Variants in MACC1 observed in about 807,000 individuals in gnomAD.
MACC1 encodes metastasis-associated in colon cancer protein 1.
Under a neutral mutation model 70.7 loss-of-function variants are expected in MACC1, and 79 were observed. That is an observed-to-expected ratio of 1.12 (90% CI 0.93 to 1.35). The LOEUF is 1.35. Among genes scored for constraint, MACC1 ranks in the 40% most tolerant of loss-of-function variants. The probability of loss-of-function intolerance (pLI) is 0.00; values close to 1 mark genes in which losing one functional copy is unlikely to be tolerated. For synonymous variants in MACC1, 361 were observed against 347.2 expected (o/e 1.04, Z -0.44); for missense variants, 1,106 against 978.1 (o/e 1.13, Z -1.74).
intron 1 of MACC1, among the ~76,000 whole-genome samples, chr7:20,187,047 A>G (rs1782599846): frequency 2.0e-5 from 3 of 152,190 alleles, no homozygotes; most frequent in African/African-American, 7.2e-5. Context: ...TCAACTCACA[A>G]TTTTTTGAAT....
chr7:20,157,060 C>G (rs560748942), intron 5 of MACC1, among the ~76,000 whole-genome samples: 17 of 152,164 alleles, frequency 1.1e-4, no homozygotes, highest in African/African-American at 3.6e-4. Flanking sequence ...TATTCAAATC[C>G]CATCTATAAG....
intron 1 of MACC1, among the ~76,000 whole-genome samples, chr7:20,204,316 G>A (rs908525136): frequency 2.0e-5 from 3 of 151,910 alleles, no homozygotes; most frequent in South Asian, 4.1e-4. Flanking sequence ...CACCACGCCC[G>A]GCTAATTTTT....
chr7:20,215,247 C>G (rs1278221757), intron 1 of MACC1, among the ~76,000 whole-genome samples: 1 of 152,152 alleles, frequency 6.6e-6, no homozygotes, highest in East Asian at 1.9e-4. Flanking sequence ...AGCACTTACT[C>G]TCTTTAACTA....
intron 5 of MACC1, among the ~76,000 whole-genome samples, chr7:20,155,349 C>A (rs761561809): frequency 3.9e-5 from 6 of 152,226 alleles, no homozygotes; most frequent in Admixed American, 6.5e-5. Context: ...TACATACACA[C>A]CTATGGAAAA....
chr7:20,157,510 G>A (rs536009044), intron 5 of MACC1, among the ~76,000 whole-genome samples: 110 of 151,766 alleles, frequency 7.2e-4, no homozygotes, highest in African/African-American at 2.5e-3. Flanking sequence ...ACAGCCAGGT[G>A]TGGTGGCTCA....
chr7:20,197,890 A>G (rs192598232), intron 1 of MACC1, among the ~76,000 whole-genome samples: 33 of 152,278 alleles, frequency 2.2e-4, no homozygotes, highest in Middle Eastern at 3.4e-3. Flanking sequence ...TTATTTTTAT[A>G]TTATACAGGC....
At position 20,158,353 on chromosome 7, in the gene MACC1, C is replaced by A; in HGVS notation, c.2008G>T (p.Val670Phe). Residue 670 changes from valine (V) to phenylalanine (F), a missense_variant, in exon 5 of 7, where the codon GTC becomes TTC. Val to Phe is a conservative substitution (Grantham distance 50). Transcript: ENST00000400331. ...AGGGACAGATGTGAGTAACCCAGGACATCAGCTAAAACTTTCCAATCATAA... is the reference window on the plus strand; with the variant it reads ...AGGGACAGATGTGAGTAACCCAGGAAATCAGCTAAAACTTTCCAATCATAA... ...KVYDWKVLADVLGYSHLSLED... is the reference protein window; with the variant it reads ...KVYDWKVLADFLGYSHLSLED... 9 of 1,613,870 alleles carry A rather than the reference C, an allele frequency of 5.6e-6. No homozygotes were observed. The highest frequency in any genetic ancestry group is 7.6e-6 in the Non-Finnish European group (9 of 1,179,978).
rs572554341 is a variant in MACC1 at position 20,138,614 on chromosome 7, T to C, written c.*2332A>G. 5.9e-5 allele frequency: 9 copies of C among 152,260 alleles called. No homozygotes were observed. Among genetic ancestry groups the C allele is most frequent in the Admixed American group, 3.3e-4 (5 of 15,302 alleles). The allele number at this position is 152,260 out of a possible 1,614,324, so 9.4% of individuals were successfully genotyped here. ...AATAAATTCTGTCCTTGAATGTGTA[T>C]ACATAATTATTTGGTCAGGCTGTGT... On this transcript the variant is annotated 3_prime_UTR_variant, in exon 7 of 7. Transcript: ENST00000400331.
Position 20,141,083 on chromosome 7 carries a change from G to C in MACC1, c.2422C>G (p.Gln808Glu). The C allele has an allele frequency of 1.2e-6, 2 of 1,613,656 alleles. No individual in the cohort carries two copies. Among genetic ancestry groups the C allele is most frequent in the South Asian group, 2.2e-5 (2 of 91,056 alleles). Residue 808 changes from glutamine to glutamate, a missense_variant, in exon 7 of 7, where the codon CAA (glutamine) becomes GAA (glutamate). Transcript: ENST00000400331. ...HYGNNYRDVLQDLQSALDRMK... is the reference protein window; with the variant it reads ...HYGNNYRDVLEDLQSALDRMK... ...CTGTCCAAAGCTGACTGAAGGTCTT[G>C]TAACACATCTCTGTAGTTATTTCCA...
chr7:20,140,846 C>T lies in MACC1; in HGVS notation c.*100G>A. On this transcript the variant is annotated 3_prime_UTR_variant, in exon 7 of 7. Coordinates refer to ENST00000400331, the MANE Select transcript of MACC1 (RefSeq NM_182762.4). ...ACACAGACACACACACACAGACACA[C>T]ACACACAGACACACAGAGACACACA... 3 of 809,314 alleles carry T rather than the reference C, an allele frequency of 3.7e-6. No individual in the cohort carries two copies. The highest frequency in any genetic ancestry group is 2.5e-5 in the East Asian group (1 of 39,514). 50.1% of individuals were successfully genotyped at this position (809,314 alleles called of 1,614,324 possible).
chr7:20,166,923 A>G (rs1782228981), intron 2 of MACC1, among the ~76,000 whole-genome samples: 1 of 152,224 alleles, frequency 6.6e-6, no homozygotes. Context: ...TAGGTCAGAA[A>G]CTGTTTGAAG....
chr7:20,149,269 C>T (rs1337790268), intron 6 of MACC1, among the ~76,000 whole-genome samples: 2 of 152,066 alleles, frequency 1.3e-5, no homozygotes, highest in Non-Finnish European at 2.9e-5. Context: ...CTCTCAGTCA[C>T]ATTACTAAAA....
chr7:20,183,516 G>C (rs993040922), intron 1 of MACC1, among the ~76,000 whole-genome samples: 30 of 152,136 alleles, frequency 2.0e-4, no homozygotes, highest in African/African-American at 6.3e-4. Context: ...ACTAATGGAT[G>C]GTTATTGCCT....
rs1781707789 is a variant in MACC1, at chr7:20,135,506, T to TG, written c.*5439dup. 6.6e-6 allele frequency: 1 copy of TG among 152,222 alleles called. No homozygotes were observed. The highest frequency in any genetic ancestry group is 2.4e-5 in the African/African-American group (1 of 41,450). The allele number at this position is 152,222 out of a possible 1,614,324, so 9.4% of individuals were successfully genotyped here. ...AGAGATGAAGGAAATTTTAATACAG[T>TG]GGTTCTCAAACTGGGGTCCCTGGAC... is the stretch of plus-strand genomic sequence containing the variant. On this transcript the variant is annotated 3_prime_UTR_variant, in exon 7 of 7. Transcript: ENST00000400331.
At position 20,154,340 on chromosome 7, in the gene MACC1, G is replaced by T. The variant is rs534042614; in HGVS notation, c.2199C>A (p.Leu733=). The change falls in exon 6 of 7, where the codon CTC becomes CTA. Residue 733 remains leucine, a synonymous_variant. Transcript: ENST00000400331. The part of the protein sequence containing the change: ...KMDCQELVAR[L]IQEAAVLTSA... ...AAGTCAGAACAGCAGCTTCTTGGATGAGACGTGCGACTAACTCTTGGCAAT... is the reference window on the plus strand; with the variant it reads ...AAGTCAGAACAGCAGCTTCTTGGATTAGACGTGCGACTAACTCTTGGCAAT... 6.2e-7 allele frequency: 1 copy of T among 1,613,912 alleles called. No individual in the cohort carries two copies. Among genetic ancestry groups the T allele is most frequent in the Non-Finnish European group, 8.5e-7 (1 of 1,179,890 alleles).
chr7:20,150,050 A>C (rs1781952159), intron 6 of MACC1, among the ~76,000 whole-genome samples: 3 of 152,208 alleles, frequency 2.0e-5, no homozygotes. Flanking sequence ...TAATAGAGAT[A>C]CTGTAAAGAA....
At chr7:20,196,169 C>T (rs1420011045) in intron 1 of MACC1, among the ~76,000 whole-genome samples, 1 of 151,814 alleles carries the variant, frequency 6.6e-6, no homozygotes, top group Non-Finnish European at 1.5e-5. Flanking sequence ...TAATAATTTT[C>T]AGGTTTTTTT....
In MACC1 at chr7:20,202,489, G is replaced by A. The variant is rs969910353; in HGVS notation, c.-218+14810C>T. ...TTTTAGAGGAAAGAAAATGGGACCC[G>A]GAACCAAAAAACCTGATCGAGCTTC... is the stretch of plus-strand genomic sequence containing the variant. On this transcript the variant is annotated intron_variant, in intron 1 of 6. Coordinates refer to ENST00000400331, the MANE Select transcript of MACC1 (RefSeq NM_182762.4). Among the ~76,000 whole-genome samples the A allele has an allele frequency of 5.3e-5, 8 of 151,984 alleles. No homozygotes were observed. In the South Asian group the frequency reaches 6.2e-4, roughly 12 times the overall value.
chr7:20,159,496 C>T lies in MACC1; in HGVS notation c.865G>A (p.Glu289Lys). The T allele has an allele frequency of 6.2e-7, 1 of 1,614,096 alleles. No individual in the cohort carries two copies. Among genetic ancestry groups the T allele is most frequent in the South Asian group, 1.1e-5 (1 of 91,080 alleles). The part of the protein sequence containing the change: ...NLNTMEALLL[E>K]MKIGAEVRKD... ...CTTACTTCAGCCCCAATTTTCATCT[C>T]CAGCAAAAGGGCTTCCATTGTATTG... The change falls in exon 5 of 7, where the codon GAG becomes AAG. Residue 289 changes from glutamate (E) to lysine (K), a missense_variant. Transcript: ENST00000400331.
Sources: allele counts gnomAD v4.1 joint callset (sites outside exome capture counted in the v4.1 genomes callset), GRCh38; gene constraint gnomAD v4.1.1; transcripts MANE v1.5; gene names NCBI Gene and HGNC (gene_info 2026-07-23, HGNC 2026-07-21).